The following ZNF185 variants were observed in gnomAD, a reference collection of about 807,000 sequenced individuals.
The protein encoded by ZNF185 is zinc finger protein 185 with LIM domain.
ZNF185 carries 56 observed loss-of-function variants against 58.6 expected under a neutral mutation model. That is an observed-to-expected ratio of 0.95 (90% CI 0.77 to 1.19). ZNF185 has a LOEUF of 1.19. Among genes scored for constraint, ZNF185 ranks in the 50% most tolerant of loss-of-function variants. ZNF185 has a pLI of 0.00. For missense variants in ZNF185, 627 were observed against 573.5 expected (o/e 1.09, Z -0.95); for synonymous variants, 230 against 215.9 (o/e 1.07, Z -0.57).
At position 152,950,573 on chromosome X, in the gene ZNF185, AT is replaced by A. The variant is rs369499953; in HGVS notation, c.1409+5119del. ...TAGACTAATTTAGGGAAGGTTCTGC[AT>A]TTTTTTTTTGATTTGACAATGTTTC... On this transcript the variant is annotated intron_variant, in intron 16 of 22. Transcript: ENST00000449285. Among the ~76,000 whole-genome samples the A allele has an allele frequency of 3.3e-3, 353 of 108,283 alleles. 1 individual carries two copies. The highest frequency in any genetic ancestry group is 8.3e-3 in the East Asian group (29 of 3,509). 94.0% of individuals were successfully genotyped at this position (108,283 alleles called of 115,157 possible). A position where few individuals can be genotyped will look rare whatever the true frequency, so the allele number is the denominator to read the frequency against.
intron 21 of ZNF185, among the ~76,000 whole-genome samples, chrX:152,970,006 C>T (rs2050522796): frequency 8.9e-6 from 1 of 112,068 alleles, no homozygotes; most frequent in South Asian, 3.8e-4. Context: ...CAACCCTCCC[C>T]TTTGCCTTGA....
In ZNF185 at chrX:152,922,272, C is replaced by A; in HGVS notation, c.740+16C>A. On this transcript the variant is annotated intron_variant, in intron 10 of 22. Coordinates refer to ENST00000449285, the Ensembl canonical transcript of ZNF185. The stretch of plus-strand genomic sequence containing the variant: ...GCTCAAACAGGTAATCCATTGCGCT[C>A]ATCTCTGCCTGGGGCTGGTGGCTGC... The A allele has an allele frequency of 8.6e-7, 1 of 1,164,099 alleles. No individual in the cohort carries two copies. The highest frequency in any genetic ancestry group is 1.9e-5 in the South Asian group (1 of 52,435).
At chrX:152,945,370 C>T in exon 16 of ZNF185, 1 of 1,207,340 alleles carries the variant, frequency 8.3e-7, no homozygotes. Context: ...CCCAGCTGTA[C>T]CCGCTCAGCA....
At chrX:152,931,750 C>A in exon 13 of ZNF185, 1 of 1,209,712 alleles carries the variant, frequency 8.3e-7, no homozygotes, top group East Asian at 3.0e-5. Flanking sequence ...AGGAGGCTTT[C>A]AGGGCCCCCA....
chrX:152,898,671 C>T, the ZNF185 span, among the ~76,000 whole-genome samples: 1 of 112,564 alleles, frequency 8.9e-6, no homozygotes, highest in Non-Finnish European at 1.9e-5. Context: ...CCAGAGGATC[C>T]CCTCAATCGC....
intron 11 of ZNF185, among the ~76,000 whole-genome samples, chrX:152,923,712 T>C (rs1206196071): frequency 8.9e-6 from 1 of 112,060 alleles, no homozygotes; most frequent in Non-Finnish European, 1.9e-5. Flanking sequence ...ATCTCTCACA[T>C]GTGCAGTTCA....
chrX:152,941,629 C>T (rs2047197020), intron 15 of ZNF185: 20 of 1,142,378 alleles, frequency 1.8e-5, no homozygotes, highest in Non-Finnish European at 2.2e-5. Context: ...AGTGAGTACG[C>T]CTGCGTAGGC....
At chrX:152,954,708 A>G (rs1556903170) in intron 16 of ZNF185, among the ~76,000 whole-genome samples, 1 of 112,313 alleles carries the variant, frequency 8.9e-6, no homozygotes, top group African/African-American at 3.2e-5. Flanking sequence ...TTATCACCTC[A>G]TTGACTCAGA....
At chrX:152,948,552 A>G (rs1461192516) in intron 16 of ZNF185, among the ~76,000 whole-genome samples, 2 of 111,916 alleles carry the variant, frequency 1.8e-5, no homozygotes, top group African/African-American at 6.5e-5. Context: ...AACTGAGTGA[A>G]TCCTGTGTGA....
rs374343363 is a variant in ZNF185 at position 152,920,666 on chromosome X, C to T, written c.615-41C>T. ...GAGCGGTCTTGATGTCACCTGCCCA[C>T]GGGCTCTGCCCAAAGCATTGCCTTT... On this transcript the variant is annotated intron_variant, in intron 8 of 22. Coordinates refer to ENST00000449285, the Ensembl canonical transcript of ZNF185. 1.9e-4 allele frequency: 229 copies of T among 1,208,584 alleles called. 2 individuals are homozygous for T. In the East Asian group the frequency reaches 3.2e-3, roughly 17 times the overall value.
intron 17 of ZNF185, 140 bp from the exon 20 acceptor site, chrX:152,963,699 A>G: frequency 2.0e-6 from 1 of 491,842 alleles, no homozygotes; most frequent in East Asian, 3.9e-5. Flanking sequence ...GCTTATCTGT[A>G]AAGTGAGAAG....
the ZNF185 span, among the ~76,000 whole-genome samples, chrX:152,899,020 G>T: frequency 8.9e-6 from 1 of 112,139 alleles, no homozygotes; most frequent in African/African-American, 3.2e-5. Flanking sequence ...ACCCAGGGCT[G>T]CTGGGGACTC....
chrX:152,898,169 A>G, the ZNF185 span, among the ~76,000 whole-genome samples: 93 of 107,336 alleles, frequency 8.7e-4, no homozygotes, highest in South Asian at 7.3e-3. Flanking sequence ...GGCGCCGTCC[A>G]CCCGAGGGAG....
At chrX:152,900,073 G>A in the ZNF185 span, among the ~76,000 whole-genome samples, 54 of 112,007 alleles carry the variant, frequency 4.8e-4, no homozygotes, top group East Asian at 0.012. Context: ...CCTTTCCCAC[G>A]TGAGGCCAGT....
chrX:152,963,663 T>G (rs2049793608), intron 17 of ZNF185, among the ~76,000 whole-genome samples, 176 bp from the exon 20 acceptor site: 1 of 112,148 alleles, frequency 8.9e-6, no homozygotes, highest in Non-Finnish European at 1.9e-5. Flanking sequence ...ACCTGGGACA[T>G]GTCTCAACTC....
At chrX:152,901,941 G>T in the ZNF185 span, among the ~76,000 whole-genome samples, 5 of 111,948 alleles carry the variant, frequency 4.5e-5, no homozygotes, top group African/African-American at 6.5e-5. Flanking sequence ...CTGCCGAAGG[G>T]TCCCAGAGGC....
intron 14 of ZNF185, among the ~76,000 whole-genome samples, chrX:152,936,739 C>G (rs1556882168): frequency 2.7e-5 from 3 of 110,501 alleles, no homozygotes; most frequent in Non-Finnish European, 5.7e-5. Flanking sequence ...GAGCCCAGCA[C>G]CAACCTACAT....
chrX:152,905,720 G>A, the ZNF185 span, among the ~76,000 whole-genome samples: 1 of 109,737 alleles, frequency 9.1e-6, no homozygotes, highest in East Asian at 2.9e-4. Flanking sequence ...GCTTGGGGGG[G>A]GGGCGGGGTC....
chrX:152,965,154 G>T (rs1391811370), intron 18 of ZNF185, among the ~76,000 whole-genome samples: 1 of 112,168 alleles, frequency 8.9e-6, no homozygotes, highest in Non-Finnish European at 1.9e-5. Flanking sequence ...GAAGCCTGGG[G>T]AGAAGATGGG....
Sources: allele counts gnomAD v4.1 joint callset (sites outside exome capture counted in the v4.1 genomes callset), GRCh38; gene constraint gnomAD v4.1.1; transcripts MANE v1.5; gene names NCBI Gene and HGNC (gene_info 2026-07-23, HGNC 2026-07-21).